Variants in CCDC198 observed in about 807,000 individuals in gnomAD.
CCDC198 encodes the protein factor associated with metabolism and energy.
A neutral mutation model predicts 35.6 loss-of-function variants in CCDC198; 18 were observed. The ratio of observed to expected loss-of-function variants is 0.51; its 90% CI spans 0.35 to 0.75. CCDC198 has a LOEUF of 0.75. Ranked by LOEUF, CCDC198 falls within the 30% of genes least tolerant of loss-of-function variation. The pLI, the probability that CCDC198 is intolerant of heterozygous loss-of-function variation, is 0.01. For missense variants in CCDC198, 365 were observed against 343.7 expected, an observed-to-expected ratio of 1.06 and a Z score of -0.49; for synonymous variants, 119 against 113.4, an observed-to-expected ratio of 1.05 and a Z score of -0.31.
intron 2 of CCDC198, among the ~76,000 whole-genome samples, chr14:57,488,767 T>A (rs1034970750): frequency 4.0e-5 from 6 of 151,832 alleles, no homozygotes; most frequent in African/African-American, 1.5e-4. Context: ...TCAACAAACA[T>A]GAAAAAAGCT....
At chr14:57,492,482 T>C (rs919374759) in intron 1 of CCDC198, among the ~76,000 whole-genome samples, 4 of 152,220 alleles carry the variant, frequency 2.6e-5, no homozygotes, top group African/African-American at 9.6e-5. Flanking sequence ...ACGCTCCATT[T>C]TTTAAATCAT....
chr14:57,476,881 G>T (rs1304000800), intron 5 of CCDC198, among the ~76,000 whole-genome samples: 2 of 152,194 alleles, frequency 1.3e-5, no homozygotes, highest in Non-Finnish European at 2.9e-5. Context: ...CTTTTAGAAG[G>T]CGTGGAAAGA....
At position 57,469,931 on chromosome 14, in the gene CCDC198, G is replaced by C. The variant is rs549824511; in HGVS notation, c.*1424C>G. 4 of 152,194 alleles carry C rather than the reference G, an allele frequency of 2.6e-5. 1 individual carries two copies. The highest frequency in any genetic ancestry group is 9.6e-5 in the African/African-American group (4 of 41,516). 9.4% of individuals were successfully genotyped at this position (152,194 alleles called of 1,614,324 possible). On this transcript the variant is annotated 3_prime_UTR_variant, in exon 6 of 6. Coordinates refer to ENST00000216445, the MANE Select transcript of CCDC198 (RefSeq NM_018168.4). ...TCTTTTTGTTTTGCTTTGTTTTAAA[G>C]CTTTAATAAATTCTTGGAAGATTCT...
intron 5 of CCDC198, chr14:57,478,982 C>CTG (rs1264512344): frequency 7.8e-7 from 1 of 1,289,062 alleles, no homozygotes; most frequent in Non-Finnish European, 1.0e-6. Context: ...GCACAGCGAT[C>CTG]TGTGTGTGTG....
At chr14:57,482,436 G>A (rs951469917) in intron 3 of CCDC198, among the ~76,000 whole-genome samples, 1 of 152,100 alleles carries the variant, frequency 6.6e-6, no homozygotes, top group African/African-American at 2.4e-5. Context: ...ACAGCACCTG[G>A]ACATCTTTGT....
At chr14:57,484,066 A>G (rs2067275569) in intron 2 of CCDC198, among the ~76,000 whole-genome samples, 1 of 152,234 alleles carries the variant, frequency 6.6e-6, no homozygotes, top group Non-Finnish European at 1.5e-5. Context: ...TGCAGGGCAG[A>G]ACTATGACAC....
At chr14:57,474,234 C>A (rs955140522) in intron 5 of CCDC198, among the ~76,000 whole-genome samples, 3 of 152,282 alleles carry the variant, frequency 2.0e-5, no homozygotes, top group East Asian at 3.9e-4. Context: ...AATGAATAAA[C>A]AAATGAGCAA....
At chr14:57,484,206 C>A (rs2067280021) in intron 2 of CCDC198, among the ~76,000 whole-genome samples, 1 of 152,170 alleles carries the variant, frequency 6.6e-6, no homozygotes, top group African/African-American at 2.4e-5. Context: ...GAAATAGGGT[C>A]ATTGCAGATA....
intron 2 of CCDC198, 193 bp from the exon 3 acceptor site, chr14:57,483,344 T>C: frequency 1.3e-6 from 1 of 745,904 alleles, no homozygotes; most frequent in Non-Finnish European, 2.1e-6. Context: ...GGGTTCTTTA[T>C]TATTCTAGTG....
At chr14:57,478,886 G>T (rs1173814214) in intron 5 of CCDC198, 3 of 1,194,008 alleles carry the variant, frequency 2.5e-6, no homozygotes, top group Non-Finnish European at 2.1e-6. Flanking sequence ...CGTCTTAGAA[G>T]TTCAAGACCT....
In CCDC198 at chr14:57,481,570, T is replaced by C; in HGVS notation, c.484A>G (p.Lys162Glu). The C allele has an allele frequency of 6.2e-7, 1 of 1,610,142 alleles. No individual in the cohort carries two copies. The highest frequency in any genetic ancestry group is 8.5e-7 in the Non-Finnish European group (1 of 1,177,242). The stretch of plus-strand genomic sequence containing the variant: ...CTTCTCGTATTTACCTCTTGTCTTT[T>C]ACGGATCATTTCCAGCACTTGCATC... ...HKMQVLEMIR[K>E]RQEAQMELKK... Residue 162 changes from lysine to glutamate, a missense_variant, in exon 4 of 6, where the codon AAA becomes GAA. Transcript: ENST00000216445.
intron 5 of CCDC198, 81 bp from the exon 6 acceptor site, chr14:57,471,671 TCTG>T: frequency 1.5e-6 from 1 of 679,966 alleles, no homozygotes; most frequent in East Asian, 2.9e-5. Flanking sequence ...TAATAAATAA[TCTG>T]CTTGGTGGTT....
intron 5 of CCDC198, among the ~76,000 whole-genome samples, chr14:57,472,036 C>T (rs2066838071): frequency 6.6e-6 from 1 of 151,978 alleles, no homozygotes; most frequent in Non-Finnish European, 1.5e-5. Flanking sequence ...ACAATTATTA[C>T]ACTTAAGAAA....
In CCDC198 at chr14:57,483,100, TC is replaced by T; in HGVS notation, c.357del (p.Ser120AlafsTer15). On this transcript the variant is annotated frameshift_variant, in exon 3 of 6. Transcript: ENST00000216445. LOFTEE classifies it high-confidence loss of function. ...LPRVITSGRL[L>X]SQREARTMHK... ...TGCATTGTCCTGGCTTCTCGCTGGC[TC>T]AGGAGTCTTCCTGAAGTAATTACTC... is the stretch of plus-strand genomic sequence containing the variant. 1.2e-6 allele frequency: 2 copies of T among 1,614,120 alleles called. No individual in the cohort carries two copies. Among genetic ancestry groups the T allele is most frequent in the Non-Finnish European group, 1.7e-6 (2 of 1,179,972 alleles).
intron 2 of CCDC198, among the ~76,000 whole-genome samples, chr14:57,484,761 AGTG>A (rs1245030142): frequency 2.0e-5 from 3 of 152,208 alleles, no homozygotes; most frequent in Non-Finnish European, 4.4e-5. Context: ...CCATTAAGAT[AGTG>A]GTCCCTTAAG....
At chr14:57,479,323 AG>A (rs2139494136) in intron 5 of CCDC198, among the ~76,000 whole-genome samples, 1 of 152,270 alleles carries the variant, frequency 6.6e-6, no homozygotes, top group African/African-American at 2.4e-5. Context: ...TCCTGGCCTC[AG>A]GTTGTCCTCC....
At chr14:57,475,655 C>A in intron 5 of CCDC198, 2 of 403,718 alleles carry the variant, frequency 5.0e-6, no homozygotes, top group Non-Finnish European at 9.6e-6. Context: ...TGCGGTGAGC[C>A]GAGATCATGC....
intron 2 of CCDC198, among the ~76,000 whole-genome samples, chr14:57,487,165 T>C (rs1048113032): frequency 1.3e-5 from 2 of 152,182 alleles, no homozygotes; most frequent in African/African-American, 4.8e-5. Context: ...GAGAACACAA[T>C]GGAAGGAACT....
Position 57,480,605 on chromosome 14 carries a change from G to A in CCDC198, c.645C>T (p.Asn215=), listed in dbSNP as rs747373215. ...TTGTACATGACTCACCGGGACCTCT[G>A]TTCAAGATTTCATCAGGCAACATGG... The part of the protein sequence containing the change: ...LLTMLPDEIL[N]RGPGNSKNTE... Residue 215 remains asparagine (N), a synonymous_variant, in exon 5 of 6, where the codon AAC becomes AAT. Transcript: ENST00000216445. The A allele has an allele frequency of 1.2e-6, 2 of 1,613,820 alleles. No homozygotes were observed. The highest frequency in any genetic ancestry group is 2.7e-5 in the African/African-American group (2 of 74,898).
Sources: allele counts gnomAD v4.1 joint callset (sites outside exome capture counted in the v4.1 genomes callset), GRCh38; gene constraint gnomAD v4.1.1; transcripts MANE v1.5; gene names NCBI Gene and HGNC (gene_info 2026-07-23, HGNC 2026-07-21).